The following ADAMTSL1 variants were observed in gnomAD, a reference collection of about 807,000 sequenced individuals.
ADAMTSL1 encodes ADAMTS-like protein 1.
Under a neutral mutation model 201.8 loss-of-function variants are expected in ADAMTSL1, and 126 were observed. That is an observed-to-expected ratio of 0.62 (90% CI 0.54 to 0.72). ADAMTSL1 has a LOEUF of 0.72. Ranked by LOEUF, ADAMTSL1 falls within the 30% of genes least tolerant of loss-of-function variation. ADAMTSL1 has a pLI of 0.00. For synonymous variants in ADAMTSL1, 1,121 were observed against 903.4 expected, an observed-to-expected ratio of 1.24 and a Z score of -4.32; for missense variants, 2,679 against 2,277.8, an observed-to-expected ratio of 1.18 and a Z score of -3.59.
chr9:18,494,227 G>A (rs1033645120), intron 1 of ADAMTSL1, among the ~76,000 whole-genome samples: 10 of 151,976 alleles, frequency 6.6e-5, no homozygotes, highest in South Asian at 4.2e-4. Context: ...ATGGTGGCGG[G>A]TGCCTGTAAT....
chr9:17,999,499 T>A (rs1819523941), intron 1 of ADAMTSL1, among the ~76,000 whole-genome samples: 1 of 152,082 alleles, frequency 6.6e-6, no homozygotes, highest in Admixed American at 6.6e-5. Flanking sequence ...AGATTTACAA[T>A]TGACATATTA....
At chr9:17,940,860 G>A (rs1327044845) in intron 1 of ADAMTSL1, among the ~76,000 whole-genome samples, 1 of 128,388 alleles carries the variant, frequency 7.8e-6, no homozygotes, top group Non-Finnish European at 1.5e-5. Context: ...GGCTCCCATG[G>A]CCCGAAGAGT....
At chr9:18,273,004 A>G (rs534576265) in intron 2 of ADAMTSL1, among the ~76,000 whole-genome samples, 5 of 152,334 alleles carry the variant, frequency 3.3e-5, no homozygotes, top group Non-Finnish European at 7.3e-5. Flanking sequence ...AAAATGTTTT[A>G]AGTAATTGGC....
chr9:18,663,503 A>G (rs1587835338), intron 9 of ADAMTSL1, among the ~76,000 whole-genome samples: 1 of 152,126 alleles, frequency 6.6e-6, no homozygotes, highest in Non-Finnish European at 1.5e-5. Context: ...ATGCAATTTG[A>G]TTTCATTTTA....
intron 2 of ADAMTSL1, among the ~76,000 whole-genome samples, chr9:18,509,175 A>G (rs993358181): frequency 8.5e-6 from 1 of 117,484 alleles, no homozygotes; most frequent in Non-Finnish European, 1.7e-5. Context: ...TGGGCGACAG[A>G]GCGAGACTCC....
chr9:18,499,543 T>G (rs1822720564), intron 1 of ADAMTSL1, among the ~76,000 whole-genome samples: 1 of 152,218 alleles, frequency 6.6e-6, no homozygotes, highest in South Asian at 2.1e-4. Context: ...ATTGCTCCAC[T>G]TCGCATGGGC....
At chr9:17,919,079 C>T (rs762488327) in intron 1 of ADAMTSL1, among the ~76,000 whole-genome samples, 16 of 151,614 alleles carry the variant, frequency 1.1e-4, no homozygotes, top group Non-Finnish European at 1.8e-4. Context: ...TCCTGACTTA[C>T]CATATTTTAT....
At chr9:18,261,870 G>T (rs1587420100) in intron 2 of ADAMTSL1, among the ~76,000 whole-genome samples, 2 of 152,116 alleles carry the variant, frequency 1.3e-5, no homozygotes, top group Admixed American at 1.3e-4. Flanking sequence ...TCTTTGTGGG[G>T]TGACAAAACA....
chr9:18,567,986 T>A (rs1214937636), intron 3 of ADAMTSL1, among the ~76,000 whole-genome samples: 1 of 152,220 alleles, frequency 6.6e-6, no homozygotes, highest in Non-Finnish European at 1.5e-5. Flanking sequence ...AACTCTACTA[T>A]AACAACATGC....
chr9:18,679,288 A>G (rs1830307482), intron 10 of ADAMTSL1, among the ~76,000 whole-genome samples: 2 of 152,200 alleles, frequency 1.3e-5, no homozygotes, highest in Admixed American at 6.5e-5. Context: ...TATATCTCTC[A>G]TAATTCTAAG....
At chr9:18,244,154 CTG>C (rs944187846) in intron 2 of ADAMTSL1, among the ~76,000 whole-genome samples, 1 of 151,468 alleles carries the variant, frequency 6.6e-6, no homozygotes, top group African/African-American at 2.4e-5. Context: ...GCCTACAACA[CTG>C]TGTTGAGAAG....
chr9:18,232,192 C>T (rs921987640), intron 2 of ADAMTSL1, among the ~76,000 whole-genome samples: 1 of 152,188 alleles, frequency 6.6e-6, no homozygotes, highest in Non-Finnish European at 1.5e-5. Context: ...TCTAGCCAAA[C>T]TAGCTTCCTT....
chr9:18,076,571 A>G (rs75111120), intron 1 of ADAMTSL1, among the ~76,000 whole-genome samples: 2 of 152,164 alleles, frequency 1.3e-5, no homozygotes. Flanking sequence ...GAGAAAGATA[A>G]AAAACACCTG....
chr9:18,442,473 C>T (rs559304363), intron 2 of ADAMTSL1, among the ~76,000 whole-genome samples: 2 of 152,142 alleles, frequency 1.3e-5, no homozygotes, highest in Non-Finnish European at 2.9e-5. Flanking sequence ...AGCTGGGAGG[C>T]ACTGGCTTTT....
At chr9:18,357,128 AT>A (rs1214952588) in intron 2 of ADAMTSL1, among the ~76,000 whole-genome samples, 1 of 152,148 alleles carries the variant, frequency 6.6e-6, no homozygotes, top group Non-Finnish European at 1.5e-5. Context: ...AAGTTATTGG[AT>A]GCCTGAAATG....
chr9:18,314,828 G>C (rs1215394851), intron 2 of ADAMTSL1, among the ~76,000 whole-genome samples: 63 of 100,844 alleles, frequency 6.2e-4, no homozygotes, highest in African/African-American at 2.4e-3. Flanking sequence ...ACGGAGTCTT[G>C]CTCTGTCGCC....
intron 2 of ADAMTSL1, among the ~76,000 whole-genome samples, chr9:18,509,229 A>G (rs1157647756): frequency 5.7e-5 from 5 of 87,572 alleles, no homozygotes; most frequent in East Asian, 4.2e-4. Flanking sequence ...AAAAAAAAAA[A>G]AAAGAAATAG....
At chr9:18,386,849 G>C (rs1358290354) in intron 2 of ADAMTSL1, among the ~76,000 whole-genome samples, 2 of 152,102 alleles carry the variant, frequency 1.3e-5, no homozygotes, top group African/African-American at 4.8e-5. Flanking sequence ...AAAGCACAAT[G>C]AGCTGAATAT....
At chr9:17,986,470 G>A (rs1282809079) in intron 1 of ADAMTSL1, among the ~76,000 whole-genome samples, 1 of 152,010 alleles carries the variant, frequency 6.6e-6, no homozygotes, top group African/African-American at 2.4e-5. Flanking sequence ...AAAACTCAAT[G>A]TGAACAATTA....
Sources: gnomAD v4.1 joint callset for allele counts (sites outside exome capture counted in the v4.1 genomes callset) on GRCh38, gnomAD v4.1.1 for gene constraint, MANE v1.5 for transcripts, NCBI Gene and HGNC (gene_info 2026-07-23, HGNC 2026-07-21) for gene names.